SEMA6D: variants seen among roughly 807,000 people sequenced by gnomAD.
The protein encoded by SEMA6D is semaphorin-6D.
Under a neutral mutation model 106.6 loss-of-function variants are expected in SEMA6D, and 35 were observed. The observed-to-expected ratio is 0.33, with a 90% confidence interval of 0.25 to 0.44. The LOEUF is 0.44. Ranked by LOEUF, SEMA6D falls within the 20% of genes least tolerant of loss-of-function variation. The probability of loss-of-function intolerance (pLI) is 1.00; values close to 1 mark genes in which losing one functional copy is unlikely to be tolerated. For synonymous variants in SEMA6D, 499 were observed against 487.7 expected, an observed-to-expected ratio of 1.02 and a Z score of -0.31; for missense variants, 1,185 against 1,345.9, an observed-to-expected ratio of 0.88 and a Z score of 1.87.
At chr15:47,392,252 A>G (rs1376852603) in intron 1 of SEMA6D, among the ~76,000 whole-genome samples, 1 of 152,070 alleles carries the variant, frequency 6.6e-6, no homozygotes, top group African/African-American at 2.4e-5. Context: ...CAAACAAAGG[A>G]TGCCAGAATA....
At chr15:47,491,772 G>C (rs1387347065) in intron 3 of SEMA6D, among the ~76,000 whole-genome samples, 1 of 152,166 alleles carries the variant, frequency 6.6e-6, no homozygotes, top group African/African-American at 2.4e-5. Flanking sequence ...AGCTTGGTTA[G>C]TAGTTTTGCC....
chr15:47,315,015 G>A (rs1383345854), intron 1 of SEMA6D, among the ~76,000 whole-genome samples: 3 of 150,834 alleles, frequency 2.0e-5, no homozygotes, highest in African/African-American at 4.9e-5. Context: ...ACAGGCGCCC[G>A]CCATCACGCC....
chr15:47,356,591 A>G (rs2038581608), intron 1 of SEMA6D, among the ~76,000 whole-genome samples: 1 of 152,186 alleles, frequency 6.6e-6, no homozygotes. Flanking sequence ...AAATCCTTAC[A>G]AAGGTGTGTG....
chr15:47,712,377 A>C (rs2079038326), intron 4 of SEMA6D, among the ~76,000 whole-genome samples: 1 of 152,220 alleles, frequency 6.6e-6, no homozygotes, highest in Admixed American at 6.5e-5. Flanking sequence ...AACCGGGATT[A>C]GAATCTAGGC....
At chr15:47,517,014 C>T (rs1232100048) in intron 3 of SEMA6D, among the ~76,000 whole-genome samples, 2 of 152,140 alleles carry the variant, frequency 1.3e-5, no homozygotes, top group Admixed American at 6.5e-5. Flanking sequence ...TCTAGAGAAA[C>T]ATGATTTTCA....
chr15:47,488,908 G>A (rs1042544983), intron 3 of SEMA6D, among the ~76,000 whole-genome samples: 1 of 152,208 alleles, frequency 6.6e-6, no homozygotes, highest in Non-Finnish European at 1.5e-5. Flanking sequence ...AGAGTAGAGA[G>A]TAATTGAAGA....
intron 2 of SEMA6D, among the ~76,000 whole-genome samples, chr15:47,444,452 C>T (rs2041971155): frequency 6.7e-6 from 1 of 148,896 alleles, no homozygotes. Context: ...GCCCATGATG[C>T]CCGGATAAGA....
rs1294921864 is a variant in SEMA6D at position 47,764,076 on chromosome 15, A to G, written c.965+9A>G. 1 of 1,613,784 alleles carries G rather than the reference A, an allele frequency of 6.2e-7. No individual in the cohort carries two copies. The highest frequency in any genetic ancestry group is 8.5e-7 in the Non-Finnish European group (1 of 1,179,744). On this transcript the variant is annotated intron_variant, in intron 10 of 18. Coordinates refer to ENST00000536845, the MANE Select transcript of SEMA6D (RefSeq NM_001358351.3). ...ACCACGCAGCTCAATAGGTGAGAGC[A>G]GAACCCCGGCACTGCAAAGATATTC...
At chr15:47,233,397 A>C (rs1453316621) in intron 1 of SEMA6D, among the ~76,000 whole-genome samples, 1 of 152,016 alleles carries the variant, frequency 6.6e-6, no homozygotes, top group East Asian at 1.9e-4. Context: ...CTTTCTTTTC[A>C]AGATCATTTT....
chr15:47,382,804 G>C (rs1431942419), intron 1 of SEMA6D, among the ~76,000 whole-genome samples: 1 of 152,184 alleles, frequency 6.6e-6, no homozygotes. Context: ...GTCTTGTTCT[G>C]TTGCCCAGGC....
chr15:47,642,554 G>T (rs1223135662), intron 4 of SEMA6D, among the ~76,000 whole-genome samples: 1 of 152,110 alleles, frequency 6.6e-6, no homozygotes, highest in Non-Finnish European at 1.5e-5. Context: ...CTGTCTAGTT[G>T]GAGAGGCCAG....
intron 3 of SEMA6D, among the ~76,000 whole-genome samples, chr15:47,573,535 C>T (rs2076101409): frequency 6.6e-6 from 1 of 152,198 alleles, no homozygotes; most frequent in South Asian, 2.1e-4. Context: ...GAAATCATCC[C>T]ATTTTGTTCA....
At chr15:47,502,998 A>C (rs2043904472) in intron 3 of SEMA6D, among the ~76,000 whole-genome samples, 1 of 152,350 alleles carries the variant, frequency 6.6e-6, no homozygotes, top group Middle Eastern at 3.4e-3. Flanking sequence ...ATGAAATATC[A>C]GTAAATATAA....
intron 3 of SEMA6D, among the ~76,000 whole-genome samples, chr15:47,592,477 G>A (rs1379165048): frequency 6.6e-6 from 1 of 152,214 alleles, no homozygotes; most frequent in Non-Finnish European, 1.5e-5. Context: ...GTGTGGGTGA[G>A]AGGCAGACCC....
chr15:47,505,206 C>G (rs981880827), intron 3 of SEMA6D, among the ~76,000 whole-genome samples: 2 of 152,178 alleles, frequency 1.3e-5, no homozygotes, highest in African/African-American at 4.8e-5. Context: ...TAGTTGGTCC[C>G]AGGCAGGATG....
At chr15:47,603,686 A>AAT (rs1330117319) in intron 4 of SEMA6D, among the ~76,000 whole-genome samples, 6 of 152,022 alleles carry the variant, frequency 3.9e-5, no homozygotes, top group Non-Finnish European at 8.8e-5. Flanking sequence ...AATTTGAGGG[A>AAT]ATATATATAA....
At position 47,355,863 on chromosome 15, in the gene SEMA6D, C is replaced by T. The variant is rs559976353; in HGVS notation, c.-238-56530C>T. On this transcript the variant is annotated intron_variant, in intron 1 of 19. Transcript: ENST00000558014. ...TTTCCCAGTGCAAAGATTATAATTA[C>T]AAAAACAATTTCAGGGCAACATTTT... Among the ~76,000 whole-genome samples the T allele has an allele frequency of 5.2e-4, 79 of 152,292 alleles. No homozygotes were observed. In the South Asian group the frequency reaches 0.011, roughly 21 times the overall value.
intron 1 of SEMA6D, among the ~76,000 whole-genome samples, chr15:47,284,916 A>G (rs1369815866): frequency 6.6e-6 from 1 of 152,176 alleles, no homozygotes; most frequent in Admixed American, 6.5e-5. Flanking sequence ...TTCATATTGC[A>G]TTTGTGATAG....
At chr15:47,645,093 G>C (rs987539443) in intron 4 of SEMA6D, among the ~76,000 whole-genome samples, 1 of 152,164 alleles carries the variant, frequency 6.6e-6, no homozygotes, top group Non-Finnish European at 1.5e-5. Context: ...AGAGCATGTG[G>C]GTGCCGGGGC....
Sources: gnomAD v4.1 joint callset for allele counts (sites outside exome capture counted in the v4.1 genomes callset) on GRCh38, gnomAD v4.1.1 for gene constraint, MANE v1.5 for transcripts, NCBI Gene and HGNC (gene_info 2026-07-23, HGNC 2026-07-21) for gene names.